Variants in GAS7 observed in about 807,000 individuals in gnomAD.
GAS7 encodes growth arrest-specific protein 7.
GAS7 carries 28 observed loss-of-function variants against 71.1 expected under a neutral mutation model. The observed-to-expected ratio is 0.39, with a 90% CI of 0.29 to 0.54. The LOEUF is 0.54. Among genes scored for constraint, GAS7 ranks in the 20% least tolerant of loss-of-function variants. The probability of loss-of-function intolerance (pLI) is 0.62; values close to 1 mark genes in which losing one functional copy is unlikely to be tolerated. For missense variants in GAS7, 436 were observed against 627.8 expected (o/e 0.69, Z 3.27); for synonymous variants, 258 against 245.8 (o/e 1.05, Z -0.46).
At chr17:10,056,696 C>T (rs1349029022) in intron 1 of GAS7, among the ~76,000 whole-genome samples, 1 of 151,962 alleles carries the variant, frequency 6.6e-6, no homozygotes, top group Non-Finnish European at 1.5e-5. Flanking sequence ...ACGGTGAAAC[C>T]CCGTCTCTAC....
chr17:10,104,283 C>T (rs1360429930), intron 1 of GAS7, among the ~76,000 whole-genome samples: 1 of 152,130 alleles, frequency 6.6e-6, no homozygotes, highest in Non-Finnish European at 1.5e-5. Flanking sequence ...ATTCAATGTC[C>T]CCTTTTTCCA....
chr17:10,093,420 A>C (rs1190795138), intron 1 of GAS7, among the ~76,000 whole-genome samples: 6 of 152,158 alleles, frequency 3.9e-5, no homozygotes, highest in Non-Finnish European at 8.8e-5. Flanking sequence ...ACATACAAAA[A>C]TTAGCTGGGC....
intron 1 of GAS7, among the ~76,000 whole-genome samples, chr17:10,082,518 G>C (rs1451669276): frequency 6.6e-6 from 1 of 152,204 alleles, no homozygotes; most frequent in Non-Finnish European, 1.5e-5. Context: ...CAAGGAGGTA[G>C]AACAACAGAA....
At chr17:10,049,788 T>C (rs1283142822) in intron 1 of GAS7, among the ~76,000 whole-genome samples, 7 of 151,826 alleles carry the variant, frequency 4.6e-5, no homozygotes, top group Admixed American at 2.6e-4. Flanking sequence ...GCCCAGCTAA[T>C]TTTTTGTATT....
intron 1 of GAS7, among the ~76,000 whole-genome samples, chr17:10,149,077 T>A (rs1431369155): frequency 1.3e-5 from 2 of 152,142 alleles, no homozygotes; most frequent in African/African-American, 4.8e-5. Context: ...TCCATTTTTG[T>A]TCATTTTTAT....
intron 1 of GAS7, among the ~76,000 whole-genome samples, chr17:10,133,963 C>A (rs2074018767): frequency 6.6e-6 from 1 of 152,108 alleles, no homozygotes; most frequent in South Asian, 2.1e-4. Flanking sequence ...CCAAAATGCT[C>A]CAATGACCAT....
At chr17:9,966,015 T>TTTTG (rs2069697223) in intron 4 of GAS7, among the ~76,000 whole-genome samples, 1 of 140,942 alleles carries the variant, frequency 7.1e-6, no homozygotes, top group Admixed American at 7.1e-5. Flanking sequence ...TTTTTTTTTT[T>TTTTG]GGAGATGGAG....
At chr17:9,922,053 C>T (rs2067834770) in intron 11 of GAS7, among the ~76,000 whole-genome samples, 1 of 152,030 alleles carries the variant, frequency 6.6e-6, no homozygotes, top group Non-Finnish European at 1.5e-5. Context: ...CGCTTGCCTC[C>T]GTGTCTTCAT....
In GAS7 at chr17:9,918,085, C is replaced by T; in HGVS notation, c.1233G>A (p.Leu411=). The change falls in exon 13 of 14, where the codon CTG becomes CTA. Residue 411 remains leucine (L), a synonymous_variant. Transcript: ENST00000432992. ...GGATCATCTCTACCCTCTCCACCTC[C>T]AGCCGCTCTAGCTCCTGCCGAGAAA... is the stretch of plus-strand genomic sequence containing the variant. ...MVTTTLELER[L]EVERVEMIRQ... 1 of 1,613,458 alleles carries T rather than the reference C, an allele frequency of 6.2e-7. No individual in the cohort carries two copies. The highest frequency in any genetic ancestry group is 8.5e-7 in the Non-Finnish European group (1 of 1,179,476).
At chr17:10,146,960 T>TAAAAAAAAAA (rs1252230604) in intron 1 of GAS7, among the ~76,000 whole-genome samples, 5 of 144,768 alleles carry the variant, frequency 3.5e-5, no homozygotes, top group Admixed American at 6.9e-5. Flanking sequence ...CTCCGTCTCA[T>TAAAAAAAAAA]AAAAAAAACG....
At chr17:9,965,917 G>A (rs2069688638) in intron 4 of GAS7, among the ~76,000 whole-genome samples, 1 of 151,854 alleles carries the variant, frequency 6.6e-6, no homozygotes, top group Admixed American at 6.6e-5. Context: ...TCCTCCCCAT[G>A]ACATAGTATG....
intron 2 of GAS7, among the ~76,000 whole-genome samples, chr17:10,011,891 G>A (rs999551570): frequency 4.6e-5 from 7 of 151,460 alleles, no homozygotes; most frequent in Middle Eastern, 3.4e-3. Context: ...CAGGAGAATC[G>A]CTTGAACCTG....
chr17:10,159,741 T>C (rs2074236692), intron 1 of GAS7, among the ~76,000 whole-genome samples: 1 of 151,450 alleles, frequency 6.6e-6, no homozygotes, highest in African/African-American at 2.4e-5. Flanking sequence ...ACAAGAGTGT[T>C]CCCAGTTTAT....
At chr17:10,080,126 G>A (rs1304130285) in intron 1 of GAS7, among the ~76,000 whole-genome samples, 1 of 152,142 alleles carries the variant, frequency 6.6e-6, no homozygotes, top group Non-Finnish European at 1.5e-5. Flanking sequence ...GGTAGAACAG[G>A]CTGTGCCAAA....
intron 1 of GAS7, among the ~76,000 whole-genome samples, chr17:10,125,655 A>T (rs2073939974): frequency 6.6e-6 from 1 of 150,748 alleles, no homozygotes; most frequent in Admixed American, 6.6e-5. Context: ...TGGGGAGATG[A>T]GGAGGGAGGA....
intron 1 of GAS7, among the ~76,000 whole-genome samples, chr17:10,184,925 CTTTTT>C (rs58498116): frequency 1.5e-5 from 2 of 130,860 alleles, no homozygotes; most frequent in Admixed American, 7.7e-5. Flanking sequence ...TATAAAAACT[CTTTTT>C]TTTTTTTTTT....
At chr17:10,181,575 T>C (rs1053480843) in intron 1 of GAS7, among the ~76,000 whole-genome samples, 3 of 152,044 alleles carry the variant, frequency 2.0e-5, no homozygotes, top group Admixed American at 6.5e-5. Context: ...CGTGAATAAA[T>C]AGCTAAAATG....
intron 2 of GAS7, among the ~76,000 whole-genome samples, chr17:9,992,581 TTTTA>T (rs986298977): frequency 6.6e-6 from 1 of 150,982 alleles, no homozygotes; most frequent in Admixed American, 6.6e-5. Flanking sequence ...TTTATTGTAA[TTTTA>T]TTTATTTTTT....
At chr17:10,168,816 C>T (rs1173390200) in intron 1 of GAS7, among the ~76,000 whole-genome samples, 2 of 150,714 alleles carry the variant, frequency 1.3e-5, no homozygotes, top group East Asian at 3.9e-4. Flanking sequence ...ACTAAAAATA[C>T]AAAATTAGCC....
Sources: gnomAD v4.1 joint callset for allele counts (sites outside exome capture counted in the v4.1 genomes callset) on GRCh38, gnomAD v4.1.1 for gene constraint, MANE v1.5 for transcripts, NCBI Gene and HGNC (gene_info 2026-07-23, HGNC 2026-07-21) for gene names.